The following COPB1 variants were observed in gnomAD, a reference collection of about 807,000 sequenced individuals.
COPB1 encodes coatomer subunit beta.
COPB1 carries 21 observed loss-of-function variants against 108.7 expected under a neutral mutation model. That is an observed-to-expected ratio of 0.19 (90% confidence interval 0.14 to 0.28). The LOEUF (loss-of-function observed/expected upper bound fraction) is 0.28. Among genes scored for constraint, COPB1 ranks in the 10% least tolerant of loss-of-function variants. The probability of loss-of-function intolerance (pLI) is 1.00; values close to 1 mark genes in which losing one functional copy is unlikely to be tolerated. For synonymous variants in COPB1, 378 were observed against 386.8 expected (o/e 0.98, Z 0.27); for missense variants, 919 against 1,141.3 (o/e 0.81, Z 2.81).
intron 8 of COPB1, among the ~76,000 whole-genome samples, chr11:14,482,682 A>T (rs930117171): frequency 3.9e-5 from 6 of 151,984 alleles, no homozygotes; most frequent in Admixed American, 6.6e-5. Flanking sequence ...TTACAGGCGC[A>T]CTTCACCACA....
At chr11:14,491,648 G>A (rs1300319834) in intron 4 of COPB1, among the ~76,000 whole-genome samples, 7 of 138,724 alleles carry the variant, frequency 5.0e-5, no homozygotes, top group African/African-American at 1.4e-4. Context: ...GAGCCTGGGC[G>A]ACAAGAGTGA....
intron 5 of COPB1, 134 bp from the exon 6 acceptor site, chr11:14,488,718 G>GA (rs560784061): frequency 2.1e-4 from 89 of 422,676 alleles, no homozygotes; most frequent in Admixed American, 1.6e-3. Flanking sequence ...AATTAACTGG[G>GA]AAAAAAATCA....
At chr11:14,468,576 C>T in intron 16 of COPB1, 105 bp downstream of exon 16, 1 of 1,118,444 alleles carries the variant, frequency 8.9e-7, no homozygotes, top group Non-Finnish European at 1.3e-6. Flanking sequence ...GGACCTATCA[C>T]AGTGACTTGA....
chr11:14,466,018 A>G (rs1024572165), intron 17 of COPB1, among the ~76,000 whole-genome samples: 2 of 152,254 alleles, frequency 1.3e-5, no homozygotes, highest in Admixed American at 6.5e-5. Flanking sequence ...AGCTCGTATT[A>G]TAACTAGAAA....
chr11:14,488,621 T>A, intron 5 of COPB1, 37 bp from the exon 6 acceptor site: 1 of 1,388,150 alleles, frequency 7.2e-7, no homozygotes, highest in Non-Finnish European at 1.0e-6. Flanking sequence ...ATTCTCCACC[T>A]CATTCAATAG....
chr11:14,473,075 A>T (rs1037354231), intron 14 of COPB1, among the ~76,000 whole-genome samples: 1 of 152,052 alleles, frequency 6.6e-6, no homozygotes, highest in Admixed American at 6.6e-5. Flanking sequence ...CCCATGTTCA[A>T]ACAATTCTCC....
intron 14 of COPB1, among the ~76,000 whole-genome samples, chr11:14,470,022 C>A (rs1850366787): frequency 6.6e-6 from 1 of 152,234 alleles, no homozygotes; most frequent in Non-Finnish European, 1.5e-5. Context: ...AGAGTCAGAA[C>A]AGTTTCCTAC....
At chr11:14,490,791 GC>G in intron 4 of COPB1, 112 bp from the exon 5 acceptor site, 1 of 588,934 alleles carries the variant, frequency 1.7e-6, no homozygotes, top group South Asian at 2.6e-5. Flanking sequence ...ACATACTTTT[GC>G]TTTTTTTTTT....
At chr11:14,482,905 T>C in intron 8 of COPB1, 127 bp downstream of exon 8, 2 of 773,184 alleles carry the variant, frequency 2.6e-6, no homozygotes, top group South Asian at 2.9e-5. Flanking sequence ...GTTAACACTT[T>C]AGCTGATCAA....
At chr11:14,492,544 T>C (rs1850928926) in intron 4 of COPB1, among the ~76,000 whole-genome samples, 1 of 151,678 alleles carries the variant, frequency 6.6e-6, no homozygotes, top group Non-Finnish European at 1.5e-5. Flanking sequence ...GGTTTCTCCA[T>C]GTTGGTCAGG....
Position 14,488,587 on chromosome 11 carries a change from A to G in COPB1, c.607-3T>C, listed in dbSNP as rs765953259. 1.3e-6 allele frequency: 2 copies of G among 1,544,054 alleles called. No homozygotes were observed. Among genetic ancestry groups the G allele is most frequent in the South Asian group, 1.2e-5 (1 of 84,344 alleles). ...CTTAAGTAATCCAAAGCTCGATCCT[A>G]AAAAAAATAAGAATATATTTATCAT... On this transcript the variant is annotated splice_polypyrimidine_tract_variant and splice_region_variant and intron_variant, in intron 5 of 21. Coordinates refer to ENST00000439561, the MANE Select transcript of COPB1 (RefSeq NM_001144061.2).
intron 11 of COPB1, among the ~76,000 whole-genome samples, chr11:14,477,602 G>A (rs1030561266): frequency 2.7e-5 from 4 of 148,564 alleles, no homozygotes; most frequent in African/African-American, 7.4e-5. Flanking sequence ...TGAGGCATAA[G>A]AGCTCCTTGA....
intron 1 of COPB1, 141 bp from the exon 2 acceptor site, chr11:14,499,126 C>A: frequency 1.8e-6 from 1 of 540,930 alleles, no homozygotes; most frequent in Non-Finnish European, 3.2e-6. Context: ...CTAGTAAAAA[C>A]CACATTATCA....
Position 14,469,300 on chromosome 11 carries a change from C to T in COPB1, c.1965+36G>A, listed in dbSNP as rs763212440. 3 of 1,559,444 alleles carry T rather than the reference C, an allele frequency of 1.9e-6. No homozygotes were observed. The East Asian group carries it at 6.7e-5, about 35-fold the overall frequency. The stretch of plus-strand genomic sequence containing the variant: ...GCGTGAGCCACTGCACGAAGAGACA[C>T]AAAACACTTTTGTTGCCTCATCATA... On this transcript the variant is annotated intron_variant, in intron 15 of 21. Transcript: ENST00000439561.
Position 14,475,850 on chromosome 11 carries a change from T to C in COPB1, c.1551A>G (p.Glu517=). The C allele has an allele frequency of 6.2e-7, 1 of 1,613,950 alleles. No individual in the cohort carries two copies. The highest frequency in any genetic ancestry group is 8.5e-7 in the Non-Finnish European group (1 of 1,179,936). ...CACTCTGAGTTGCATAGGTACCCAT[T>C]TCAGTAACCAATTTCTGAACTGGCC... ...TVGPVQKLVT[E]MGTYATQSAL... is the part of the protein sequence containing the mutation. Residue 517 remains glutamate (E), a synonymous_variant, in exon 13 of 22, where the codon GAA becomes GAG. Coordinates refer to ENST00000439561, the MANE Select transcript of COPB1 (RefSeq NM_001144061.2).
At chr11:14,480,953 C>T (rs1850647691) in intron 9 of COPB1, 37 bp downstream of exon 9, 2 of 1,612,848 alleles carry the variant, frequency 1.2e-6, no homozygotes, top group Admixed American at 1.7e-5. Context: ...ATATTTGGGC[C>T]TGATAGCTAC....
At chr11:14,497,678 T>C (rs552964076) in intron 2 of COPB1, among the ~76,000 whole-genome samples, 2 of 152,286 alleles carry the variant, frequency 1.3e-5, no homozygotes, top group East Asian at 3.9e-4. Context: ...GATTCAGCAA[T>C]CCGACTACTG....
intron 12 of COPB1, among the ~76,000 whole-genome samples, chr11:14,476,584 T>G (rs1476990104): frequency 6.6e-6 from 1 of 152,178 alleles, no homozygotes; most frequent in Non-Finnish European, 1.5e-5. Context: ...CAACAATGAC[T>G]AGAACTAATT....
chr11:14,495,261 G>A (rs2134129742), intron 2 of COPB1, among the ~76,000 whole-genome samples: 1 of 152,286 alleles, frequency 6.6e-6, no homozygotes, highest in African/African-American at 2.4e-5. Context: ...GTAGCACACT[G>A]TACTACAACT....
Sources: gnomAD v4.1 joint callset for allele counts (sites outside exome capture counted in the v4.1 genomes callset) on GRCh38, gnomAD v4.1.1 for gene constraint, MANE v1.5 for transcripts, NCBI Gene and HGNC (gene_info 2026-07-23, HGNC 2026-07-21) for gene names.